Variants in FRAS1 observed in about 807,000 individuals in gnomAD.
FRAS1 encodes the protein Fraser extracellular matrix complex subunit 1.
A neutral mutation model predicts 435.2 loss-of-function variants in FRAS1; 290 were observed. That is an observed-to-expected ratio of 0.67 (90% CI 0.61 to 0.73). The LOEUF (loss-of-function observed/expected upper bound fraction) is 0.73, where lower values mean the gene tolerates loss of function less well. FRAS1 is among the 30% of genes least tolerant of loss of function. The pLI is 0.00. For synonymous variants in FRAS1, 1,800 were observed against 1,851.0 expected (o/e 0.97, Z 0.71); for missense variants, 4,860 against 5,001.5 (o/e 0.97, Z 0.85).
At chr4:78,447,288 T>TAA (rs3086830) in intron 43 of FRAS1, among the ~76,000 whole-genome samples, 23,567 of 108,814 alleles carry the variant, frequency 0.22, 3,017 homozygotes, top group African/African-American at 0.28. Flanking sequence ...GTTCCTTTTG[T>TAA]AAAAAAAAAA....
intron 24 of FRAS1, 107 bp downstream of exon 24, chr4:78,372,965 C>A: frequency 7.8e-7 from 1 of 1,284,290 alleles, no homozygotes; most frequent in Non-Finnish European, 1.1e-6. Context: ...TGGCTTTTTA[C>A]CCCATTTCTG....
intron 2 of FRAS1, among the ~76,000 whole-genome samples, chr4:78,156,379 T>C (rs928826881): frequency 6.6e-6 from 1 of 152,090 alleles, no homozygotes; most frequent in African/African-American, 2.4e-5. Flanking sequence ...AGTGGTGGCT[T>C]AAAACCTAAA....
chr4:78,406,427 G>A (rs548458510), intron 30 of FRAS1, among the ~76,000 whole-genome samples: 28 of 152,304 alleles, frequency 1.8e-4, no homozygotes, highest in Admixed American at 1.3e-3. Context: ...ATCATGGCAG[G>A]AGGAGAAAGG....
At chr4:78,136,699 C>G (rs1719934784) in intron 2 of FRAS1, among the ~76,000 whole-genome samples, 1 of 152,172 alleles carries the variant, frequency 6.6e-6, no homozygotes, top group African/African-American at 2.4e-5. Flanking sequence ...AGCCAGAGTT[C>G]AGGAGAACCC....
intron 37 of FRAS1, among the ~76,000 whole-genome samples, chr4:78,431,334 G>A (rs139493287): frequency 3.9e-5 from 6 of 152,334 alleles, no homozygotes; most frequent in Non-Finnish European, 7.4e-5. Context: ...AACAGTCATT[G>A]TCTAATTTCT....
intron 4 of FRAS1, 48 bp downstream of exon 4, chr4:78,245,373 A>G (rs1467651719): frequency 7.7e-7 from 1 of 1,294,432 alleles, no homozygotes; most frequent in Non-Finnish European, 1.1e-6. Flanking sequence ...CAGATCTCTG[A>G]CAAGGGAAAA....
chr4:78,307,901 G>T lies in FRAS1; in HGVS notation c.1535-165G>T, dbSNP rs80065365. Among the ~76,000 whole-genome samples the T allele has an allele frequency of 2.7e-3, 415 of 152,326 alleles. 7 individuals carry two copies. The highest frequency in any genetic ancestry group is 9.6e-3 in the African/African-American group (399 of 41,576). ...CTCCCCCTAGAAACGGTTTCTTGAA[G>T]AAGAGGGTGTTGTGTTTGTCCTGAG... On this transcript the variant is annotated intron_variant, in intron 14 of 73. Coordinates refer to ENST00000512123, the MANE Select transcript of FRAS1 (RefSeq NM_025074.7).
intron 2 of FRAS1, among the ~76,000 whole-genome samples, chr4:78,213,190 G>T (rs777162104): frequency 6.6e-5 from 10 of 152,342 alleles, no homozygotes; most frequent in Middle Eastern, 6.8e-3. Flanking sequence ...TGATTAGAAT[G>T]TGGCTCCACA....
Position 78,080,192 on chromosome 4 carries a change from A to G in FRAS1, c.108+14176A>G, listed in dbSNP as rs575284936. On this transcript the variant is annotated intron_variant, in intron 2 of 73. Transcript: ENST00000512123. ...AACTAACAATAAAAGGCCTGTGAAA[A>G]GCCAAAATGGATACCACTGTGCCTC... Among the ~76,000 whole-genome samples, 13 of 152,258 alleles carry G rather than the reference A, an allele frequency of 8.5e-5. No homozygotes were observed. In the East Asian group the frequency reaches 2.5e-3, roughly 29 times the overall value.
intron 72 of FRAS1, 149 bp from the exon 73 acceptor site, chr4:78,539,145 A>T (rs367997209): frequency 7.9e-5 from 52 of 655,690 alleles, no homozygotes; most frequent in African/African-American, 3.0e-4. Flanking sequence ...GCAGCCACTG[A>T]CTTATGGAGA....
At chr4:78,293,076 T>C (rs1727972984) in intron 14 of FRAS1, among the ~76,000 whole-genome samples, 1 of 152,054 alleles carries the variant, frequency 6.6e-6, no homozygotes, top group Admixed American at 6.6e-5. Flanking sequence ...AGATACAGAG[T>C]GAAGCAGACA....
chr4:78,112,665 T>C lies in FRAS1; in HGVS notation c.108+46649T>C, dbSNP rs945078242. ...CTACTTATTTCTTAGTTAGTGCAGTTATGAAATGGCCAAACCAAAACAATC... is the reference window on the plus strand; with the variant it reads ...CTACTTATTTCTTAGTTAGTGCAGTCATGAAATGGCCAAACCAAAACAATC... On this transcript the variant is annotated intron_variant, in intron 2 of 73. Coordinates refer to ENST00000512123, the MANE Select transcript of FRAS1 (RefSeq NM_025074.7). Among the ~76,000 whole-genome samples, 14 of 152,140 alleles carry C rather than the reference T, an allele frequency of 9.2e-5. 1 individual carries two copies. The South Asian group carries it at 1.0e-3, about 11-fold the overall frequency.
intron 2 of FRAS1, among the ~76,000 whole-genome samples, chr4:78,186,263 TC>T (rs1488268201): frequency 1.3e-5 from 2 of 152,116 alleles, no homozygotes; most frequent in African/African-American, 4.8e-5. Context: ...TTTTTTTTTT[TC>T]CTCCAAGAAT....
At chr4:78,404,160 T>A (rs1368087503) in intron 30 of FRAS1, among the ~76,000 whole-genome samples, 1 of 152,142 alleles carries the variant, frequency 6.6e-6, no homozygotes, top group African/African-American at 2.4e-5. Flanking sequence ...TCCAAATTAT[T>A]TATCATAATG....
intron 14 of FRAS1, among the ~76,000 whole-genome samples, chr4:78,288,618 C>T (rs1448514338): frequency 6.6e-6 from 1 of 152,078 alleles, no homozygotes; most frequent in Non-Finnish European, 1.5e-5. Context: ...GTTCATGCTC[C>T]CTCCAGGGAA....
At chr4:78,424,467 CT>C in intron 35 of FRAS1, 47 bp downstream of exon 35, 1 of 923,048 alleles carries the variant, frequency 1.1e-6, no homozygotes, top group Admixed American at 3.5e-5. Context: ...TTTTTCTTTC[CT>C]TATTAGTTCT....
At chr4:78,493,104 A>T (rs1720412976) in intron 59 of FRAS1, among the ~76,000 whole-genome samples, 1 of 152,262 alleles carries the variant, frequency 6.6e-6, no homozygotes, top group African/African-American at 2.4e-5. Context: ...CCACAATGAG[A>T]TACCATCTCA....
intron 32 of FRAS1, among the ~76,000 whole-genome samples, chr4:78,416,773 T>A (rs1051659705): frequency 6.6e-6 from 1 of 152,156 alleles, no homozygotes; most frequent in Non-Finnish European, 1.5e-5. Flanking sequence ...AGAGGCCTCA[T>A]GTCCTTGTGA....
intron 4 of FRAS1, among the ~76,000 whole-genome samples, chr4:78,246,874 G>A (rs1725271927): frequency 6.6e-6 from 1 of 152,154 alleles, no homozygotes; most frequent in Admixed American, 6.5e-5. Context: ...GTGTGCACAT[G>A]TGCAGTCTTC....
Sources: gnomAD v4.1 joint callset for allele counts (sites outside exome capture counted in the v4.1 genomes callset) on GRCh38, gnomAD v4.1.1 for gene constraint, MANE v1.5 for transcripts, NCBI Gene and HGNC (gene_info 2026-07-23, HGNC 2026-07-21) for gene names.